Variants in ESF1 observed in about 807,000 individuals in gnomAD.
ESF1 encodes ESF1 nucleolar pre-rRNA processing protein.
In ESF1, 58 loss-of-function variants were observed where a neutral mutation model predicts 92.0. The observed-to-expected ratio is 0.63, with a 90% CI of 0.51 to 0.78. The LOEUF (loss-of-function observed/expected upper bound fraction) is 0.78. Ranked by LOEUF, ESF1 falls within the 30% of genes least tolerant of loss-of-function variation. The probability of loss-of-function intolerance (pLI) is 0.00; values close to 1 mark genes in which losing one functional copy is unlikely to be tolerated. For synonymous variants in ESF1, 321 were observed against 313.7 expected, an observed-to-expected ratio of 1.02 and a Z score of -0.24; for missense variants, 922 against 989.1, an observed-to-expected ratio of 0.93 and a Z score of 0.91.
At chr20:13,784,400 A>G (rs1267202138) in intron 1 of ESF1, among the ~76,000 whole-genome samples, 1 of 152,028 alleles carries the variant, frequency 6.6e-6, no homozygotes, top group Non-Finnish European at 1.5e-5. Context: ...ACATTTTTCG[A>G]TGTATTACAG....
intron 9 of ESF1, among the ~76,000 whole-genome samples, chr20:13,744,708 T>G (rs1246849737): frequency 6.6e-6 from 1 of 152,214 alleles, no homozygotes; most frequent in East Asian, 1.9e-4. Context: ...GGATAACACA[T>G]GGTGACTACT....
chr20:13,759,765 G>A lies in ESF1; in HGVS notation c.1755C>T (p.Leu585=), dbSNP rs758071377. The A allele has an allele frequency of 6.4e-7, 1 of 1,574,712 alleles. No homozygotes were observed. Among genetic ancestry groups the A allele is most frequent in the Non-Finnish European group, 8.6e-7 (1 of 1,168,824 alleles). Residue 585 remains leucine (L), a synonymous_variant, in exon 9 of 14, where the codon CTC becomes CTT. Transcript: ENST00000617257. ...TTTCTTTTTCTTGAATAACCTGCAAGAGCTGCCTGTATTTAGCAATTTGTT... is the reference window on the plus strand; with the variant it reads ...TTTCTTTTTCTTGAATAACCTGCAAAAGCTGCCTGTATTTAGCAATTTGTT... The part of the protein sequence containing the change: ...DEEQIAKYRQ[L]LQVIQEKEKK...
rs756724931 is a variant in ESF1 at position 13,782,896 on chromosome 20, G to C, written c.245C>G (p.Ser82Cys). 2 of 1,613,838 alleles carry C rather than the reference G, an allele frequency of 1.2e-6. No homozygotes were observed. Among genetic ancestry groups the C allele is most frequent in the Admixed American group, 1.7e-5 (1 of 59,982 alleles). The change falls in exon 2 of 14, where the codon TCT becomes TGT. Residue 82 changes from serine (S) to cysteine (C), a missense_variant. Transcript: ENST00000617257. ...YDLSDSDSNL[S>C]GEDSKALSQK... The stretch of plus-strand genomic sequence containing the variant: ...ACTCAATGCTTTGCTATCTTCACCA[G>C]AGAGATTGGAATCAGAATCTGAAAG...
Position 13,752,337 on chromosome 20 carries a change from T to C in ESF1, c.1828+7355A>G, listed in dbSNP as rs540855285. On this transcript the variant is annotated intron_variant, in intron 9 of 13. Coordinates refer to ENST00000617257, the MANE Select transcript of ESF1 (RefSeq NM_001276380.2). The stretch of plus-strand genomic sequence containing the variant: ...TGTGACTTCGTACAAGTTACAAGAG[T>C]GCACTGTGACCTGGTTTCCTCCCCA... Among the ~76,000 whole-genome samples, 16 of 152,284 alleles carry C rather than the reference T, an allele frequency of 1.1e-4. No homozygotes were observed. The South Asian group carries it at 3.3e-3, about 32-fold the overall frequency.
intron 2 of ESF1, among the ~76,000 whole-genome samples, chr20:13,777,426 A>G (rs1232268594): frequency 1.3e-5 from 2 of 152,166 alleles, no homozygotes; most frequent in African/African-American, 2.4e-5. Flanking sequence ...TCAGTTTTGA[A>G]TATGTTGAAT....
chr20:13,773,623 T>A (rs929046542), intron 4 of ESF1, among the ~76,000 whole-genome samples: 4 of 152,128 alleles, frequency 2.6e-5, no homozygotes, highest in African/African-American at 9.7e-5. Flanking sequence ...TATGAACTCT[T>A]TCTATCTATT....
intron 6 of ESF1, among the ~76,000 whole-genome samples, chr20:13,770,781 C>T (rs910405639): frequency 1.3e-5 from 2 of 152,234 alleles, no homozygotes; most frequent in African/African-American, 2.4e-5. Context: ...CCTAATTGTA[C>T]ATTTAGCCAT....
intron 9 of ESF1, among the ~76,000 whole-genome samples, chr20:13,750,686 T>C (rs1978592722): frequency 6.6e-6 from 1 of 152,136 alleles, no homozygotes; most frequent in Non-Finnish European, 1.5e-5. Flanking sequence ...ATTAATACAA[T>C]CCTTTCAAAA....
rs1162332740 is a variant in ESF1, at chr20:13,782,874, C to T, written c.267G>A (p.Leu89=). ...TTTTCTTCTTTATTTTCTTTTGACT[C>T]AATGCTTTGCTATCTTCACCAGAGA... ...SNLSGEDSKA[L]SQKKIKKKKT... Residue 89 remains leucine (L), a synonymous_variant, in exon 2 of 14, where the codon TTG becomes TTA. Coordinates refer to ENST00000617257, the MANE Select transcript of ESF1 (RefSeq NM_001276380.2). 6.2e-7 allele frequency: 1 copy of T among 1,611,806 alleles called. No homozygotes were observed. The highest frequency in any genetic ancestry group is 1.1e-5 in the South Asian group (1 of 89,866).
intron 8 of ESF1, among the ~76,000 whole-genome samples, chr20:13,760,248 G>A (rs1033905588): frequency 1.1e-4 from 17 of 150,198 alleles, no homozygotes; most frequent in Non-Finnish European, 2.1e-4. Flanking sequence ...CCTCTGCCTG[G>A]CTGCCCAGTC....
At chr20:13,740,360 T>G (rs947479253) in intron 9 of ESF1, among the ~76,000 whole-genome samples, 5 of 151,210 alleles carry the variant, frequency 3.3e-5, no homozygotes, top group Admixed American at 6.6e-5. Context: ...AAGAAGAAAT[T>G]AAAAGATCAG....
chr20:13,751,974 G>T (rs567389340), intron 9 of ESF1, among the ~76,000 whole-genome samples: 1 of 151,772 alleles, frequency 6.6e-6, no homozygotes, highest in Non-Finnish European at 1.5e-5. Flanking sequence ...CAGCCCAGGC[G>T]ACAGAAGAAT....
intron 2 of ESF1, 41 bp downstream of exon 2, chr20:13,782,463 A>G (rs1452774261): frequency 6.9e-7 from 1 of 1,448,624 alleles, no homozygotes; most frequent in East Asian, 2.5e-5. Context: ...ATAAAAATAA[A>G]TAATGTAACA....
Position 13,714,762 on chromosome 20 carries a change from G to C in ESF1, c.*112C>G, listed in dbSNP as rs916465150. On this transcript the variant is annotated 3_prime_UTR_variant, in exon 14 of 14. Coordinates refer to ENST00000617257, the MANE Select transcript of ESF1 (RefSeq NM_001276380.2). ...AAAAATTTTACTATGTCCAGAAAAA[G>C]ATTTTATTCATGTTCTTGAAAGATA... 5.8e-6 allele frequency: 6 copies of C among 1,027,778 alleles called. No individual in the cohort carries two copies. The highest frequency in any genetic ancestry group is 1.6e-5 in the African/African-American group (1 of 61,788). 63.7% of individuals were successfully genotyped at this position (1,027,778 alleles called of 1,614,324 possible).
intron 9 of ESF1, among the ~76,000 whole-genome samples, chr20:13,748,994 A>G (rs2051555549): frequency 6.6e-6 from 1 of 152,166 alleles, no homozygotes; most frequent in Non-Finnish European, 1.5e-5. Flanking sequence ...AAAATAAAAT[A>G]TATTTTATGA....
chr20:13,759,717 C>A lies in ESF1; in HGVS notation c.1803G>T (p.Met601Ile). Residue 601 changes from methionine to isoleucine, a missense_variant, in exon 9 of 14, where the codon ATG (methionine) becomes ATT (isoleucine). Physicochemically the swap from Met to Ile is conservative, Grantham distance 10. Transcript: ENST00000617257. ...CTGGAACCCATTTAATTTCCATTTC[C>A]ATATCATTTTCTTTGCCTTTCTTTT... ...EKEKKGKEND[M>I]EMEIKWVPGL... is the part of the protein sequence containing the mutation. 2 of 1,572,306 alleles carry A rather than the reference C, an allele frequency of 1.3e-6. No individual in the cohort carries two copies. The highest frequency in any genetic ancestry group is 2.1e-5 in the Admixed American group (1 of 46,696).
intron 2 of ESF1, among the ~76,000 whole-genome samples, chr20:13,780,245 A>C (rs1161972729): frequency 6.6e-6 from 1 of 152,200 alleles, no homozygotes; most frequent in Non-Finnish European, 1.5e-5. Context: ...CTTATTGCTC[A>C]AGGTAACTAA....
intron 9 of ESF1, among the ~76,000 whole-genome samples, chr20:13,745,216 G>T (rs569995802): frequency 6.6e-6 from 1 of 152,212 alleles, no homozygotes; most frequent in Admixed American, 6.5e-5. Flanking sequence ...GTAATTACGA[G>T]CATGTTACAA....
chr20:13,745,856 G>GT (rs2050044880), intron 9 of ESF1, among the ~76,000 whole-genome samples: 2 of 152,192 alleles, frequency 1.3e-5, no homozygotes, highest in South Asian at 4.1e-4. Flanking sequence ...AGGAATAGAT[G>GT]TATCTGCGGT....
Sources: gnomAD v4.1 joint callset for allele counts (sites outside exome capture counted in the v4.1 genomes callset) on GRCh38, gnomAD v4.1.1 for gene constraint, MANE v1.5 for transcripts, NCBI Gene and HGNC (gene_info 2026-07-23, HGNC 2026-07-21) for gene names.